The following ENPP1 variants were observed in gnomAD, a reference collection of about 807,000 sequenced individuals.
The protein encoded by ENPP1 is ectonucleotide pyrophosphatase/phosphodiesterase 1, also known as ectonucleotide pyrophosphatase/phosphodiesterase family member 1.
Under a neutral mutation model 122.8 loss-of-function variants are expected in ENPP1, and 73 were observed. The observed-to-expected ratio is 0.59, with a 90% CI of 0.49 to 0.72. ENPP1 has a LOEUF of 0.72. ENPP1 is among the 30% of genes least tolerant of loss of function. The pLI, the probability that ENPP1 is intolerant of heterozygous loss-of-function variation, is 0.00. For synonymous variants in ENPP1, 367 were observed against 391.6 expected (o/e 0.94, Z 0.74); for missense variants, 978 against 1,128.1 (o/e 0.87, Z 1.91).
chr6:131,853,513 T>C (rs1003951796), intron 5 of ENPP1, among the ~76,000 whole-genome samples: 9 of 152,302 alleles, frequency 5.9e-5, no homozygotes, highest in African/African-American at 2.2e-4. Context: ...TAACCTGCTT[T>C]TATGATTTCT....
chr6:131,816,373 C>CA (rs1291344227), intron 1 of ENPP1, among the ~76,000 whole-genome samples: 1 of 152,080 alleles, frequency 6.6e-6, no homozygotes, highest in Non-Finnish European at 1.5e-5. Context: ...AAATACCCCC[C>CA]AAACAAGAAA....
At chr6:131,834,723 ACGGGG>A (rs1781653696) in intron 1 of ENPP1, among the ~76,000 whole-genome samples, 1 of 130,750 alleles carries the variant, frequency 7.6e-6, no homozygotes, top group East Asian at 2.8e-4. Context: ...TTTAGTAGAG[ACGGGG>A]TTTCACCATT....
chr6:131,849,018 C>T (rs891769235), intron 2 of ENPP1, among the ~76,000 whole-genome samples: 1 of 151,998 alleles, frequency 6.6e-6, no homozygotes, highest in Non-Finnish European at 1.5e-5. Context: ...TGTTGGATGT[C>T]CCTTATTTTC....
At chr6:131,874,016 G>A (rs1422960072) in intron 15 of ENPP1, among the ~76,000 whole-genome samples, 1 of 152,034 alleles carries the variant, frequency 6.6e-6, no homozygotes, top group Non-Finnish European at 1.5e-5. Flanking sequence ...CACAGCCAAT[G>A]TTCAAAACCA....
chr6:131,868,155 C>A, intron 12 of ENPP1, 29 bp downstream of exon 12: 19 of 1,487,546 alleles, frequency 1.3e-5, no homozygotes, highest in Non-Finnish European at 1.7e-5. Context: ...ATTTACTCTT[C>A]AGGATAAAGG....
intron 22 of ENPP1, 147 bp downstream of exon 22, chr6:131,883,921 A>C: frequency 1.7e-6 from 1 of 576,360 alleles, no homozygotes; most frequent in Admixed American, 3.1e-5. Flanking sequence ...ATACTAGTAC[A>C]CAAAAATTCT....
intron 19 of ENPP1, among the ~76,000 whole-genome samples, chr6:131,879,137 G>A (rs947282344): frequency 2.0e-5 from 3 of 152,034 alleles, no homozygotes; most frequent in African/African-American, 7.2e-5. Context: ...AGAATAAAGA[G>A]GTAAATTCTG....
rs985284531 is a variant in ENPP1 at position 131,869,339 on chromosome 6, G to T, written c.1274-19G>T. ...TTGTTAAAGTTACAGCATGTTTTGGGATTTTTTTTTTCTCCTAGGCATGGA... is the reference window on the plus strand; with the variant it reads ...TTGTTAAAGTTACAGCATGTTTTGGTATTTTTTTTTTCTCCTAGGCATGGA... On this transcript the variant is annotated intron_variant, in intron 12 of 24. Transcript: ENST00000647893. 19 of 1,610,122 alleles carry T rather than the reference G, an allele frequency of 1.2e-5. No homozygotes were observed. Among genetic ancestry groups the T allele is most frequent in the Non-Finnish European group, 1.5e-5 (18 of 1,177,512 alleles).
chr6:131,820,000 G>C, intron 1 of ENPP1: 1 of 558,518 alleles, frequency 1.8e-6, no homozygotes, highest in Admixed American at 2.1e-5. Flanking sequence ...CACAAACTCA[G>C]CTGTTCCCCA....
At chr6:131,876,908 T>G in intron 17 of ENPP1, 84 bp from the exon 18 acceptor site, 1 of 1,366,876 alleles carries the variant, frequency 7.3e-7, no homozygotes, top group South Asian at 1.2e-5. Flanking sequence ...TATTTGGTTT[T>G]AAAAAAGTAA....
intron 1 of ENPP1, among the ~76,000 whole-genome samples, chr6:131,833,808 T>C (rs1421979910): frequency 6.6e-6 from 1 of 152,238 alleles, no homozygotes; most frequent in Non-Finnish European, 1.5e-5. Context: ...ACAGTCCTAC[T>C]GAAGACAGGA....
At position 131,864,860 on chromosome 6, in the gene ENPP1, AT is replaced by A; in HGVS notation, c.1092-3del. On this transcript the variant is annotated splice_region_variant and splice_polypyrimidine_tract_variant and intron_variant, in intron 10 of 24. Transcript: ENST00000647893. ...AAATATTACATTTTGATACTGTTTG[AT>A]TTAGACCACACTTTTACACTCTGTA... is the stretch of plus-strand genomic sequence containing the variant. The A allele has an allele frequency of 6.3e-7, 1 of 1,576,208 alleles. No individual in the cohort carries two copies. Among genetic ancestry groups the A allele is most frequent in the Non-Finnish European group, 8.7e-7 (1 of 1,145,912 alleles).
intron 6 of ENPP1, among the ~76,000 whole-genome samples, chr6:131,856,845 C>T (rs2114698178): frequency 6.6e-6 from 1 of 151,768 alleles, no homozygotes; most frequent in Admixed American, 6.6e-5. Flanking sequence ...TTCCATTGAT[C>T]TATATCTCTG....
At chr6:131,852,454 A>C (rs927667210) in intron 5 of ENPP1, among the ~76,000 whole-genome samples, 8 of 152,168 alleles carry the variant, frequency 5.3e-5, no homozygotes, top group Admixed American at 1.3e-4. Context: ...GGGCATCTCA[A>C]ATCTGAAAAT....
At chr6:131,819,830 AG>A (rs1781461661) in intron 1 of ENPP1, 3 of 409,314 alleles carry the variant, frequency 7.3e-6, no homozygotes, top group African/African-American at 2.1e-5. Flanking sequence ...CAGCCATTGG[AG>A]GAGGACTGGG....
rs1245597742 is a variant in ENPP1 at position 131,894,678 on chromosome 6, TAA to T, written c.*4170_*4171del. 1.3e-5 allele frequency: 2 copies of T among 152,222 alleles called. No homozygotes were observed. The highest frequency in any genetic ancestry group is 2.9e-5 in the Non-Finnish European group (2 of 68,096). The allele number at this position is 152,222 out of a possible 1,614,324, so 9.4% of individuals were successfully genotyped here. On this transcript the variant is annotated 3_prime_UTR_variant, in exon 25 of 25. Transcript: ENST00000647893. The stretch of plus-strand genomic sequence containing the variant: ...TAAAAAAACGTTTCCAAGAATCAGA[TAA>T]AAGAGGACAAACCTTAGGGAGAAGA...
At chr6:131,824,585 G>A (rs1410856933) in intron 1 of ENPP1, among the ~76,000 whole-genome samples, 2 of 152,072 alleles carry the variant, frequency 1.3e-5, no homozygotes, top group African/African-American at 4.8e-5. Flanking sequence ...CTCCCGAGTA[G>A]CTGGGATTAT....
intron 5 of ENPP1, 53 bp downstream of exon 5, chr6:131,852,288 A>T: frequency 9.4e-7 from 1 of 1,066,470 alleles, no homozygotes; most frequent in African/African-American, 1.6e-5. Context: ...GTACAGCATC[A>T]TTTTTTTCTT....
intron 1 of ENPP1, among the ~76,000 whole-genome samples, chr6:131,822,618 A>G (rs1224360767): frequency 2.0e-5 from 3 of 149,700 alleles, no homozygotes; most frequent in Non-Finnish European, 4.4e-5. Flanking sequence ...CACTTTGTGC[A>G]TATTATTCTG....
Sources: allele counts gnomAD v4.1 joint callset (sites outside exome capture counted in the v4.1 genomes callset), GRCh38; gene constraint gnomAD v4.1.1; transcripts MANE v1.5; gene names NCBI Gene and HGNC (gene_info 2026-07-23, HGNC 2026-07-21).